EIF4G3: variants seen among roughly 807,000 people sequenced by gnomAD.
EIF4G3 encodes the protein eIF-4-gamma 3.
A neutral mutation model predicts 186.4 loss-of-function variants in EIF4G3; 34 were observed. The observed-to-expected ratio is 0.18, with a 90% CI of 0.14 to 0.24. EIF4G3 has a LOEUF of 0.24. Among genes scored for constraint, EIF4G3 ranks in the 10% least tolerant of loss-of-function variants. The pLI is 1.00. For synonymous variants in EIF4G3, 673 were observed against 679.5 expected, an observed-to-expected ratio of 0.99 and a Z score of 0.15; for missense variants, 1,536 against 1,948.5, an observed-to-expected ratio of 0.79 and a Z score of 3.99.
intron 3 of EIF4G3, among the ~76,000 whole-genome samples, chr1:21,057,097 A>T (rs2094595486): frequency 6.6e-6 from 1 of 152,180 alleles, no homozygotes; most frequent in Admixed American, 6.5e-5. Context: ...TTGGGAAGCA[A>T]TTTGGCAGTA....
intron 10 of EIF4G3, among the ~76,000 whole-genome samples, chr1:20,979,876 G>A (rs551423370): frequency 6.6e-6 from 1 of 151,318 alleles, no homozygotes; most frequent in East Asian, 1.9e-4. Context: ...TCAGCCTCCC[G>A]AATATCTGGG....
chr1:21,037,426 T>C (rs865811753), intron 4 of EIF4G3, among the ~76,000 whole-genome samples: 1 of 152,136 alleles, frequency 6.6e-6, no homozygotes, highest in East Asian at 1.9e-4. Flanking sequence ...GAAAACACTA[T>C]AGTATAACTT....
chr1:20,919,866 T>TTCAACTTCCCAAGTAGCTG (rs1222569318), intron 14 of EIF4G3, among the ~76,000 whole-genome samples: 1 of 151,692 alleles, frequency 6.6e-6, no homozygotes, highest in African/African-American at 2.4e-5. Context: ...AAAGTCAGAA[T>TTCAACTTCCCAAGTAGCTG]GTTATTTTCT....
intron 20 of EIF4G3, among the ~76,000 whole-genome samples, chr1:20,866,882 C>T (rs1306162265): frequency 6.6e-6 from 1 of 152,178 alleles, no homozygotes; most frequent in Non-Finnish European, 1.5e-5. Flanking sequence ...CCTCCATCAT[C>T]TGTATTGACA....
chr1:21,055,640 T>G (rs142895692), intron 3 of EIF4G3, among the ~76,000 whole-genome samples: 2,546 of 152,120 alleles, frequency 0.017, 40 homozygotes, highest in Non-Finnish European at 0.024. Context: ...ATTATTTCAC[T>G]TTAGAGTACA....
At chr1:20,979,110 C>T (rs1047447529) in intron 10 of EIF4G3, among the ~76,000 whole-genome samples, 3 of 152,106 alleles carry the variant, frequency 2.0e-5, no homozygotes, top group Non-Finnish European at 2.9e-5. Flanking sequence ...CTAGTATCTA[C>T]TAATTTTATC....
chr1:21,023,238 T>TCCC (rs1557570010), intron 4 of EIF4G3, among the ~76,000 whole-genome samples: 2 of 22,770 alleles, frequency 8.8e-5, no homozygotes, highest in Admixed American at 8.8e-4. Context: ...TCCCTCCCCC[T>TCCC]CCCCTCCCCC....
At chr1:21,068,916 T>G (rs1173442169) in intron 3 of EIF4G3, among the ~76,000 whole-genome samples, 1 of 152,230 alleles carries the variant, frequency 6.6e-6, no homozygotes, top group Non-Finnish European at 1.5e-5. Flanking sequence ...AAATCTGAAC[T>G]GCTCCATTGA....
At chr1:21,056,890 A>C (rs751765257) in intron 3 of EIF4G3, among the ~76,000 whole-genome samples, 20 of 152,246 alleles carry the variant, frequency 1.3e-4, no homozygotes, top group Non-Finnish European at 2.6e-4. Context: ...CTATAATATT[A>C]ATCCTAAGCA....
At chr1:20,893,868 C>A (rs2086965982) in intron 17 of EIF4G3, among the ~76,000 whole-genome samples, 1 of 148,928 alleles carries the variant, frequency 6.7e-6, no homozygotes, top group South Asian at 2.2e-4. Context: ...CCTTAAATTT[C>A]CAAGTAGGGG....
intron 2 of EIF4G3, among the ~76,000 whole-genome samples, chr1:21,115,515 T>C (rs1336634674): frequency 4.6e-5 from 7 of 152,166 alleles, no homozygotes; most frequent in South Asian, 4.1e-4. Context: ...CCACAAACCT[T>C]AAATTTGTTA....
At chr1:20,921,657 G>C (rs1427127375) in intron 14 of EIF4G3, among the ~76,000 whole-genome samples, 1 of 152,058 alleles carries the variant, frequency 6.6e-6, no homozygotes, top group East Asian at 1.9e-4. Flanking sequence ...TCAATTTTTT[G>C]TCATTATACT....
chr1:20,932,958 T>C (rs1378436964), intron 14 of EIF4G3, among the ~76,000 whole-genome samples: 1 of 151,948 alleles, frequency 6.6e-6, no homozygotes, highest in Non-Finnish European at 1.5e-5. Flanking sequence ...TAAAATGAGG[T>C]ATGCCCGTAT....
intron 2 of EIF4G3, among the ~76,000 whole-genome samples, chr1:21,169,057 G>A (rs536082023): frequency 6.6e-6 from 1 of 152,128 alleles, no homozygotes; most frequent in East Asian, 1.9e-4. Context: ...TGTGGTCCGA[G>A]CTCCTTGGGA....
intron 2 of EIF4G3, among the ~76,000 whole-genome samples, chr1:21,173,991 T>C (rs1287165185): frequency 6.6e-6 from 1 of 152,218 alleles, no homozygotes; most frequent in East Asian, 1.9e-4. Flanking sequence ...ATCTACAACC[T>C]ATACTTCCTT....
intron 3 of EIF4G3, among the ~76,000 whole-genome samples, chr1:21,076,517 TA>T (rs1212397603): frequency 6.6e-6 from 1 of 151,440 alleles, no homozygotes. Context: ...AATAAAAAAA[TA>T]GAGACATGAT....
chr1:21,058,251 C>T (rs545372231), intron 3 of EIF4G3, among the ~76,000 whole-genome samples: 2 of 152,096 alleles, frequency 1.3e-5, no homozygotes, highest in South Asian at 2.1e-4. Context: ...CTATGGAAAA[C>T]GATAAGAGAA....
chr1:20,879,796 C>T (rs372441231), intron 19 of EIF4G3, among the ~76,000 whole-genome samples: 8 of 152,010 alleles, frequency 5.3e-5, no homozygotes, highest in East Asian at 1.9e-4. Context: ...AATTTGACAA[C>T]GTGTATCAAA....
chr1:20,853,640 G>T lies in EIF4G3; in HGVS notation c.3471C>A (p.Phe1157Leu). 1.9e-6 allele frequency: 3 copies of T among 1,613,942 alleles called. No homozygotes were observed. The highest frequency in any genetic ancestry group is 4.5e-5 in the East Asian group (2 of 44,860). The change falls in exon 27 of 37, where the codon TTC (phenylalanine) becomes TTA (leucine). Residue 1157 changes from phenylalanine to leucine, a missense_variant. This residue lies in a region of EIF4G3 where 395 missense variants were observed against 498.9 expected (regional missense o/e 0.79). Transcript: ENST00000602326. ...AGGGTGCTGGAGGTTGCAGGGCAGA[G>T]AATCTGTTTAAACTGGAAGCACTTG... ...LRSSASSLNRFSALQPPAPSG... is the reference protein window; with the variant it reads ...LRSSASSLNRLSALQPPAPSG...
Sources: gnomAD v4.1 joint callset for allele counts (sites outside exome capture counted in the v4.1 genomes callset) on GRCh38, gnomAD v4.1.1 for gene constraint, gnomAD v4.1.1 regional missense constraint, MANE v1.5 for transcripts, NCBI Gene and HGNC (gene_info 2026-07-23, HGNC 2026-07-21) for gene names.